The following GTPBP8 variants were observed in gnomAD, a reference collection of about 807,000 sequenced individuals.
GTPBP8 encodes the protein GTP binding protein 8.
GTPBP8 carries 21 observed loss-of-function variants against 27.3 expected under a neutral mutation model. The observed-to-expected ratio is 0.77, with a 90% CI of 0.55 to 1.11. The LOEUF (loss-of-function observed/expected upper bound fraction) is 1.11. Among genes scored for constraint, GTPBP8 ranks in the 50% least tolerant of loss-of-function variants. The probability of loss-of-function intolerance (pLI) is 0.00; values close to 1 mark genes in which losing one functional copy is unlikely to be tolerated. For synonymous variants in GTPBP8, 147 were observed against 135.3 expected (o/e 1.09, Z -0.60); for missense variants, 380 against 350.8 (o/e 1.08, Z -0.67).
At chr3:112,996,382 C>T (rs1479504971) in intron 3 of GTPBP8, among the ~76,000 whole-genome samples, 1 of 151,986 alleles carries the variant, frequency 6.6e-6, no homozygotes, top group African/African-American at 2.4e-5. Flanking sequence ...AGGACAATCA[C>T]TCAAACCCAG....
intron 4 of GTPBP8, 62 bp downstream of exon 4, chr3:112,997,053 G>C: frequency 1.3e-6 from 1 of 766,270 alleles, no homozygotes; most frequent in Non-Finnish European, 2.3e-6. Context: ...GCATCTGTGT[G>C]AACATGCACC....
rs1299669872 is a variant in GTPBP8 at position 112,999,561 on chromosome 3, T to A, written c.782T>A (p.Val261Glu). ...GGATGTTTTCCTCAGTTGTTTCCTG[T>A]AAGGTAAGAGTTGAATTGTTTTGTT... Reference protein sequence around the residue: ...TQGCFPQLFPVSAVTFSGIHL... With the variant: ...TQGCFPQLFPESAVTFSGIHL... Residue 261 changes from valine (V) to glutamate (E), a missense_variant, in exon 5 of 6, where the codon GTA (valine) becomes GAA (glutamate). Coordinates refer to ENST00000383678, the MANE Select transcript of GTPBP8 (RefSeq NM_014170.4). 1 of 1,204,458 alleles carries A rather than the reference T, an allele frequency of 8.3e-7. No homozygotes were observed. The highest frequency in any genetic ancestry group is 1.2e-6 in the Non-Finnish European group (1 of 839,900). The allele number at this position is 1,204,458 out of a possible 1,614,324, so 74.6% of individuals were successfully genotyped here. A position where few individuals can be genotyped will look rare whatever the true frequency, so the allele number is the denominator to read the frequency against.
Position 112,995,263 on chromosome 3 carries a change from GAAGT to G in GTPBP8, c.566+2_566+5del, listed in dbSNP as rs1444944238. ...TAGAGACCTATCTAAAAGAACGAAG[GAAGT>G]AAGGAAAAGATTTTCTTATAATAGT... On this transcript the variant is annotated splice_donor_variant and coding_sequence_variant, in exon 3 of 6. Coordinates refer to ENST00000383678, the MANE Select transcript of GTPBP8 (RefSeq NM_014170.4). LOFTEE classifies it high-confidence loss of function. 6.3e-7 allele frequency: 1 copy of G among 1,583,506 alleles called. No individual in the cohort carries two copies. Among genetic ancestry groups the G allele is most frequent in the Non-Finnish European group, 8.6e-7 (1 of 1,167,314 alleles).
chr3:112,999,673 G>A, intron 5 of GTPBP8, 109 bp downstream of exon 5: 1 of 609,694 alleles, frequency 1.6e-6, no homozygotes. Context: ...TTGGTTGCAT[G>A]GAAAAGTTCT....
At chr3:112,994,712 A>T (rs1244213892) in intron 2 of GTPBP8, among the ~76,000 whole-genome samples, 1 of 152,250 alleles carries the variant, frequency 6.6e-6, no homozygotes, top group African/African-American at 2.4e-5. Context: ...TGTATGACTG[A>T]TGGTAAACAT....
At chr3:112,991,471 T>A (rs1473929122) in intron 1 of GTPBP8, 136 bp downstream of exon 1, 3 of 792,252 alleles carry the variant, frequency 3.8e-6, no homozygotes, top group Admixed American at 4.0e-5. Flanking sequence ...TTTAACTCAA[T>A]AGGCATATGT....
chr3:112,993,254 A>G (rs1933719491), intron 2 of GTPBP8, 130 bp downstream of exon 2: 1 of 595,486 alleles, frequency 1.7e-6, no homozygotes, highest in Admixed American at 3.2e-5. Context: ...AAAAAGTAAT[A>G]AAGTAAGACA....
intron 2 of GTPBP8, among the ~76,000 whole-genome samples, chr3:112,994,391 C>G (rs1208508841): frequency 1.3e-5 from 2 of 151,038 alleles, no homozygotes; most frequent in Non-Finnish European, 2.9e-5. Flanking sequence ...CCATTGCACT[C>G]CAGCCTGGAC....
Position 113,001,469 on chromosome 3 carries a change from G to A in GTPBP8, c.*550G>A, listed in dbSNP as rs1933910574. The A allele has an allele frequency of 6.6e-6, 1 of 152,190 alleles. No individual in the cohort carries two copies. Among genetic ancestry groups the A allele is most frequent in the African/African-American group, 2.4e-5 (1 of 41,442 alleles). The allele number at this position is 152,190 out of a possible 1,614,324, so 9.4% of individuals were successfully genotyped here. On this transcript the variant is annotated 3_prime_UTR_variant, in exon 6 of 6. Transcript: ENST00000383678. ...CCGAAAGAACAGAATTCAAGTTCTA[G>A]TTCTGATGTTTATTATATATGTTGG...
chr3:112,995,298 A>G (rs1232761406), intron 3 of GTPBP8, 33 bp downstream of exon 3: 2 of 1,447,600 alleles, frequency 1.4e-6, no homozygotes, highest in Admixed American at 2.1e-5. Context: ...ATAGTTATAC[A>G]TTTAACCCCA....
chr3:112,999,285 A>T (rs1933845510), intron 4 of GTPBP8, among the ~76,000 whole-genome samples, 161 bp from the exon 5 acceptor site: 1 of 152,184 alleles, frequency 6.6e-6, no homozygotes, highest in Non-Finnish European at 1.5e-5. Flanking sequence ...CTTTTCAGCT[A>T]CCCCTTTATG....
chr3:112,991,375 C>G, intron 1 of GTPBP8, 40 bp downstream of exon 1: 1 of 1,582,348 alleles, frequency 6.3e-7, no homozygotes, highest in Non-Finnish European at 8.7e-7. Flanking sequence ...GCGCCGGCGT[C>G]ACAGCGCTAA....
At chr3:112,999,733 C>A (rs1232087102) in intron 5 of GTPBP8, among the ~76,000 whole-genome samples, 169 bp downstream of exon 5, 2 of 152,090 alleles carry the variant, frequency 1.3e-5, no homozygotes, top group African/African-American at 4.8e-5. Context: ...GAGCAGTGTA[C>A]ACTGTACCCT....
Position 112,991,183 on chromosome 3 carries a change from G to A in GTPBP8, c.184G>A (p.Gly62Arg), listed in dbSNP as rs779538063. ...QEVERFLAPY[G>R]RQDLHLRIFD... The stretch of plus-strand genomic sequence containing the variant: ...AGTAGAGCGGTTCCTCGCCCCCTAC[G>A]GGAGGCAAGACCTTCACCTGCGTAT... The change falls in exon 1 of 6, where the codon GGG becomes AGG. Residue 62 changes from glycine to arginine, a missense_variant. By Grantham distance (125) the Gly-to-Arg change is moderately radical. Transcript: ENST00000383678. 3.1e-6 allele frequency: 5 copies of A among 1,614,024 alleles called. No individual in the cohort carries two copies. In the African/African-American group the frequency reaches 4.0e-5, roughly 13 times the overall value.
rs1933667231 is a variant in GTPBP8, at chr3:112,991,233, A to G, written c.234A>G (p.Ile78Met). The G allele has an allele frequency of 6.2e-7, 1 of 1,614,114 alleles. No homozygotes were observed. Among genetic ancestry groups the G allele is most frequent in the African/African-American group, 1.3e-5 (1 of 75,058 alleles). The part of the protein sequence containing the change: ...LRIFDPSPED[I>M]ARADNIFTAT... ...TCTTTGACCCAAGCCCGGAGGACAT[A>G]GCCAGGGCGGACAACATCTTCACGG... The change falls in exon 1 of 6, where the codon ATA (isoleucine) becomes ATG (methionine). Residue 78 changes from isoleucine to methionine, a missense_variant. Transcript: ENST00000383678.
At chr3:113,000,722 A>G (rs1933883215) in intron 5 of GTPBP8, 128 bp from the exon 6 acceptor site, 1 of 589,878 alleles carries the variant, frequency 1.7e-6, no homozygotes, top group Non-Finnish European at 3.0e-6. Flanking sequence ...GAAGAAAGCT[A>G]GAACACATTA....
At position 113,001,401 on chromosome 3, in the gene GTPBP8, G is replaced by C. The variant is rs1933909094; in HGVS notation, c.*482G>C. On this transcript the variant is annotated 3_prime_UTR_variant, in exon 6 of 6. Coordinates refer to ENST00000383678, the MANE Select transcript of GTPBP8 (RefSeq NM_014170.4). ...TTTTTTGAGTCCTTATTTGAATATT[G>C]AAAACATTCTTGATAAAATGTGTTA... 6.6e-6 allele frequency: 1 copy of C among 152,152 alleles called. No individual in the cohort carries two copies. The highest frequency in any genetic ancestry group is 1.5e-5 in the Non-Finnish European group (1 of 68,098). The allele number at this position is 152,152 out of a possible 1,614,324, so 9.4% of individuals were successfully genotyped here.
intron 5 of GTPBP8, 100 bp from the exon 6 acceptor site, chr3:113,000,750 A>C (rs1424617620): frequency 1.4e-6 from 1 of 700,484 alleles, no homozygotes; most frequent in Non-Finnish European, 2.5e-6. Context: ...TTCTGCTTTC[A>C]TATATGAAAT....
chr3:112,992,984 T>C (rs1933711834), intron 1 of GTPBP8, 42 bp from the exon 2 acceptor site: 1 of 1,038,986 alleles, frequency 9.6e-7, no homozygotes, highest in African/African-American at 1.6e-5. Context: ...CAGAATAGCA[T>C]ATACAGCTAG....
Sources: allele counts gnomAD v4.1 joint callset (sites outside exome capture counted in the v4.1 genomes callset), GRCh38; gene constraint gnomAD v4.1.1; transcripts MANE v1.5; gene names NCBI Gene and HGNC (gene_info 2026-07-23, HGNC 2026-07-21).